LTBP1: variants seen among roughly 807,000 people sequenced by gnomAD.
LTBP1 encodes latent transforming growth factor beta binding protein 1.
A neutral mutation model predicts 207.6 loss-of-function variants in LTBP1; 129 were observed. The ratio of observed to expected loss-of-function variants is 0.62; its 90% CI spans 0.54 to 0.72. LTBP1 has a LOEUF of 0.72. Among genes scored for constraint, LTBP1 ranks in the 30% least tolerant of loss-of-function variants. The probability of loss-of-function intolerance (pLI) is 0.00; values close to 1 mark genes in which losing one functional copy is unlikely to be tolerated. For synonymous variants in LTBP1, 963 were observed against 833.7 expected (o/e 1.16, Z -2.67); for missense variants, 2,281 against 2,217.2 (o/e 1.03, Z -0.58).
At chr2:33,195,670 A>T (rs1558794039) in intron 7 of LTBP1, among the ~76,000 whole-genome samples, 1 of 152,230 alleles carries the variant, frequency 6.6e-6, no homozygotes, top group Non-Finnish European at 1.5e-5. Flanking sequence ...AATGACAACA[A>T]TGGATTTAGA....
chr2:33,207,578 C>G (rs1035929055), intron 7 of LTBP1, among the ~76,000 whole-genome samples: 1 of 152,158 alleles, frequency 6.6e-6, no homozygotes, highest in African/African-American at 2.4e-5. Flanking sequence ...TTTACAAGTT[C>G]TCTTAGAAAA....
At chr2:33,135,098 G>A in intron 5 of LTBP1, 138 bp downstream of exon 5, 1 of 906,296 alleles carries the variant, frequency 1.1e-6, no homozygotes, top group Middle Eastern at 3.6e-4. Flanking sequence ...TTTCTTTCAT[G>A]GGATCTTTTA....
chr2:33,074,740 G>T (rs1209231015), intron 3 of LTBP1, among the ~76,000 whole-genome samples: 1 of 152,154 alleles, frequency 6.6e-6, no homozygotes, highest in African/African-American at 2.4e-5. Flanking sequence ...CATGGTGGCA[G>T]TCGCCTGTAG....
At chr2:33,215,716 G>GTTT (rs1287189048) in intron 7 of LTBP1, among the ~76,000 whole-genome samples, 3,975 of 138,892 alleles carry the variant, frequency 0.029, 128 homozygotes, top group Middle Eastern at 0.11. Flanking sequence ...GTTTTCTTTT[G>GTTT]TTTTTTGTTT....
chr2:33,005,691 A>G (rs1287266045), intron 2 of LTBP1, among the ~76,000 whole-genome samples: 2 of 150,732 alleles, frequency 1.3e-5, no homozygotes, highest in African/African-American at 2.4e-5. Flanking sequence ...GGCTCAAGCA[A>G]TTCTCGTCCC....
intron 5 of LTBP1, among the ~76,000 whole-genome samples, chr2:33,157,611 G>C (rs933634726): frequency 1.3e-5 from 2 of 152,212 alleles, no homozygotes; most frequent in Admixed American, 1.3e-4. Context: ...GCATTTCCAA[G>C]TGAGATGGTT....
intron 22 of LTBP1, among the ~76,000 whole-genome samples, chr2:33,303,661 G>T (rs2094033175): frequency 6.6e-6 from 1 of 152,036 alleles, no homozygotes; most frequent in South Asian, 2.1e-4. Flanking sequence ...GCATTGGTTA[G>T]ATTCTCATAA....
chr2:33,398,153 T>C (rs1287158743), intron 33 of LTBP1, among the ~76,000 whole-genome samples: 2 of 152,188 alleles, frequency 1.3e-5, no homozygotes, highest in African/African-American at 2.4e-5. Context: ...CATGTTTTGC[T>C]AGATAACAGT....
chr2:33,133,014 C>T (rs1183218477), intron 4 of LTBP1, among the ~76,000 whole-genome samples: 2 of 152,110 alleles, frequency 1.3e-5, no homozygotes, highest in Non-Finnish European at 2.9e-5. Context: ...CCATAACTAT[C>T]ATGTGCTTTT....
At chr2:33,341,731 T>G in intron 24 of LTBP1, among the ~76,000 whole-genome samples, 3 of 117,926 alleles carry the variant, frequency 2.5e-5, no homozygotes, top group Middle Eastern at 4.5e-3. Context: ...AAAAAAAAAA[T>G]ATATATATAT....
chr2:33,120,911 A>C (rs1038651596), intron 4 of LTBP1, among the ~76,000 whole-genome samples: 1 of 152,246 alleles, frequency 6.6e-6, no homozygotes, highest in Non-Finnish European at 1.5e-5. Flanking sequence ...AAACTTCATT[A>C]GTACGTGGTT....
chr2:33,020,438 C>G (rs1266096112), intron 2 of LTBP1, among the ~76,000 whole-genome samples: 3 of 152,150 alleles, frequency 2.0e-5, no homozygotes, highest in Non-Finnish European at 4.4e-5. Context: ...CAGAACATAA[C>G]TTTAAAATAA....
chr2:32,966,276 G>C (rs1485715285), intron 2 of LTBP1, among the ~76,000 whole-genome samples: 1 of 151,990 alleles, frequency 6.6e-6, no homozygotes, highest in Non-Finnish European at 1.5e-5. Context: ...CTTCCACTCT[G>C]TGTCTTTTCA....
chr2:33,258,656 C>T (rs1375627636), intron 12 of LTBP1, among the ~76,000 whole-genome samples: 2 of 152,088 alleles, frequency 1.3e-5, no homozygotes, highest in Non-Finnish European at 2.9e-5. Flanking sequence ...GGAAATGGGC[C>T]GTAGTTCCAG....
intron 7 of LTBP1, among the ~76,000 whole-genome samples, chr2:33,200,981 G>A (rs1333530518): frequency 3.9e-5 from 6 of 152,174 alleles, no homozygotes; most frequent in African/African-American, 1.2e-4. Context: ...GAAACAACAG[G>A]TGCTGGAGAG....
At chr2:33,064,486 C>T (rs77245180) in intron 3 of LTBP1, among the ~76,000 whole-genome samples, 7,323 of 152,282 alleles carry the variant, frequency 0.048, 600 homozygotes, top group East Asian at 0.34. Context: ...TGGGTCTCCA[C>T]ACTCCCTAAG....
At chr2:33,076,790 C>G (rs2078106394) in intron 3 of LTBP1, among the ~76,000 whole-genome samples, 1 of 151,092 alleles carries the variant, frequency 6.6e-6, no homozygotes, top group African/African-American at 2.4e-5. Flanking sequence ...CCGTCTCGGC[C>G]TCCCAAAGTA....
At chr2:33,068,170 G>C (rs976199129) in intron 3 of LTBP1, among the ~76,000 whole-genome samples, 4 of 103,850 alleles carry the variant, frequency 3.9e-5, no homozygotes, top group Non-Finnish European at 7.1e-5. Flanking sequence ...TTTGTGGGGT[G>C]GGGGGAGGGT....
At chr2:33,110,884 C>T (rs559069986) in intron 4 of LTBP1, 133 bp downstream of exon 4, 156 of 810,594 alleles carry the variant, frequency 1.9e-4, no homozygotes, top group Admixed American at 3.3e-4. Flanking sequence ...ACATTGGTTC[C>T]TGAAGCAACC....
Sources: gnomAD v4.1 joint callset for allele counts (sites outside exome capture counted in the v4.1 genomes callset) on GRCh38, gnomAD v4.1.1 for gene constraint, MANE v1.5 for transcripts, NCBI Gene and HGNC (gene_info 2026-07-23, HGNC 2026-07-21) for gene names.